The following MCTP2 variants were observed in gnomAD, a reference collection of about 807,000 sequenced individuals.
MCTP2 encodes the protein multiple C2 and transmembrane domain containing 2.
Under a neutral mutation model 111.6 loss-of-function variants are expected in MCTP2, and 132 were observed. The ratio of observed to expected loss-of-function variants is 1.18; its 90% CI spans 1.03 to 1.37. The LOEUF (loss-of-function observed/expected upper bound fraction) is 1.37. Ranked by LOEUF, MCTP2 falls within the 40% of genes most tolerant of loss-of-function variation. The pLI is 0.00. For synonymous variants in MCTP2, 395 were observed against 387.7 expected (o/e 1.02, Z -0.22); for missense variants, 1,183 against 1,067.9 (o/e 1.11, Z -1.50).
At chr15:94,472,745 G>T (rs1202729753) in intron 21 of MCTP2, among the ~76,000 whole-genome samples, 1 of 152,158 alleles carries the variant, frequency 6.6e-6, no homozygotes, top group Non-Finnish European at 1.5e-5. Flanking sequence ...CAATCACCAC[G>T]TGATCTATTG....
intron 1 of MCTP2, among the ~76,000 whole-genome samples, chr15:94,235,064 C>A (rs1225982355): frequency 6.6e-6 from 1 of 152,094 alleles, no homozygotes; most frequent in East Asian, 1.9e-4. Context: ...CCGGCCTGGC[C>A]AATATGGCGA....
At position 94,345,110 on chromosome 15, in the gene MCTP2, C is replaced by T. The variant is rs771613991; in HGVS notation, c.970-19C>T. 30 of 1,611,922 alleles carry T rather than the reference C, an allele frequency of 1.9e-5. No individual in the cohort carries two copies. The East Asian group carries it at 2.0e-4, about 11-fold the overall frequency. ...TTTTATTTTGCCATTTTCACCATTCCGCGGACACAAATCTTTAGCGTTGGT... is the reference window on the plus strand; with the variant it reads ...TTTTATTTTGCCATTTTCACCATTCTGCGGACACAAATCTTTAGCGTTGGT... On this transcript the variant is annotated intron_variant, in intron 7 of 22. Coordinates refer to ENST00000357742, the MANE Select transcript of MCTP2 (RefSeq NM_001385001.1).
chr15:94,274,317 A>G (rs908856720), intron 1 of MCTP2, among the ~76,000 whole-genome samples: 4 of 152,202 alleles, frequency 2.6e-5, no homozygotes, highest in Non-Finnish European at 5.9e-5. Flanking sequence ...AGCAAAAGGT[A>G]TGGTCTGAAA....
At chr15:94,272,556 C>T (rs114260222) in intron 1 of MCTP2, among the ~76,000 whole-genome samples, 23 of 152,228 alleles carry the variant, frequency 1.5e-4, no homozygotes, top group African/African-American at 5.5e-4. Flanking sequence ...ATTCTCCCAT[C>T]AAAACAATGC....
At chr15:94,244,819 C>CACAT (rs1332298059) in intron 1 of MCTP2, among the ~76,000 whole-genome samples, 8 of 137,928 alleles carry the variant, frequency 5.8e-5, no homozygotes, top group Non-Finnish European at 7.7e-5. Flanking sequence ...TATATGTATA[C>CACAT]ACATATGCAC....
chr15:94,265,151 A>G lies in MCTP2; in HGVS notation c.-65-33050A>G, dbSNP rs558004575. On this transcript the variant is annotated intron_variant, in intron 1 of 22. Coordinates refer to ENST00000357742, the MANE Select transcript of MCTP2 (RefSeq NM_001385001.1). ...TTACTTAACTTCCATATCCAGGCCT[A>G]CCTATGAGGCAATAACTCTGCCAAG... Among the ~76,000 whole-genome samples the G allele has an allele frequency of 5.3e-5, 8 of 152,274 alleles. No individual in the cohort carries two copies. The South Asian group carries it at 1.4e-3, about 28-fold the overall frequency.
intron 1 of MCTP2, among the ~76,000 whole-genome samples, chr15:94,233,009 A>T (rs2070297055): frequency 6.6e-6 from 1 of 152,186 alleles, no homozygotes; most frequent in Non-Finnish European, 1.5e-5. Flanking sequence ...TCAGTGGTGA[A>T]TTTAGAAATT....
chr15:94,378,926 T>A (rs1001433000), intron 12 of MCTP2, among the ~76,000 whole-genome samples: 1 of 152,190 alleles, frequency 6.6e-6, no homozygotes, highest in African/African-American at 2.4e-5. Flanking sequence ...TTGTTGAATA[T>A]ATGAACAGGT....
In MCTP2 at chr15:94,401,914, T is replaced by C; in HGVS notation, c.1980T>C (p.Asp660=). The C allele has an allele frequency of 6.2e-7, 1 of 1,612,040 alleles. No individual in the cohort carries two copies. Among genetic ancestry groups the C allele is most frequent in the Non-Finnish European group, 8.5e-7 (1 of 1,178,718 alleles). ...RKLSKKILSR[D]VDRVKRITMA... ...TTTAAAATCAGATCTTATCAAGAGA[T>C]GTGGACCGTGTGAAAAGAATCACTA... The change falls in exon 17 of 23, where the codon GAT becomes GAC. Residue 660 remains aspartate (D), a synonymous_variant. Transcript: ENST00000357742.
intron 11 of MCTP2, 122 bp from the exon 12 acceptor site, chr15:94,369,965 T>C (rs2079400138): frequency 1.8e-6 from 1 of 552,848 alleles, no homozygotes; most frequent in Admixed American, 4.0e-5. Flanking sequence ...TTGGGGATTT[T>C]TTTTTAAAGA....
At chr15:94,474,179 G>A (rs1367380532) in intron 21 of MCTP2, among the ~76,000 whole-genome samples, 1 of 152,046 alleles carries the variant, frequency 6.6e-6, no homozygotes, top group East Asian at 1.9e-4. Flanking sequence ...AAAATCTAAG[G>A]TATGTTTAGC....
Position 94,409,228 on chromosome 15 carries a change from C to G in MCTP2, c.2085+7209C>G, listed in dbSNP as rs150679284. Among the ~76,000 whole-genome samples, 320 of 152,242 alleles carry G rather than the reference C, an allele frequency of 2.1e-3. 6 individuals carry two copies. The East Asian group carries it at 0.039, about 18-fold the overall frequency. On this transcript the variant is annotated intron_variant, in intron 17 of 22. Coordinates refer to ENST00000357742, the MANE Select transcript of MCTP2 (RefSeq NM_001385001.1). ...TGAAAACAGAGACTGGCCTGGCCTC[C>G]CAGCCTACATCTTTCTCCCATGCTG...
intron 16 of MCTP2, among the ~76,000 whole-genome samples, chr15:94,401,607 A>G (rs1171510358): frequency 1.3e-5 from 2 of 152,100 alleles, no homozygotes; most frequent in African/African-American, 4.8e-5. Flanking sequence ...ATTCACCAAC[A>G]TTAAATACCT....
chr15:94,241,152 G>C (rs1270217153), intron 1 of MCTP2, among the ~76,000 whole-genome samples: 2 of 152,104 alleles, frequency 1.3e-5, no homozygotes, highest in African/African-American at 2.4e-5. Flanking sequence ...GTTTCATGTA[G>C]AGTCGGTGGC....
intron 1 of MCTP2, among the ~76,000 whole-genome samples, chr15:94,248,698 C>A (rs1214036216): frequency 2.0e-5 from 3 of 152,152 alleles, no homozygotes; most frequent in Admixed American, 2.0e-4. Flanking sequence ...ATCTTTTCAA[C>A]ACTGGATTTT....
chr15:94,433,046 T>C (rs1294325366), intron 17 of MCTP2, among the ~76,000 whole-genome samples: 1 of 152,132 alleles, frequency 6.6e-6, no homozygotes, highest in African/African-American at 2.4e-5. Context: ...TGAGGTTACA[T>C]CCTTCTCGTG....
intron 4 of MCTP2, among the ~76,000 whole-genome samples, chr15:94,320,303 C>T (rs1422701366): frequency 2.0e-5 from 3 of 152,022 alleles, no homozygotes; most frequent in Non-Finnish European, 4.4e-5. Flanking sequence ...CCACCACGCC[C>T]AGCTAATTTT....
chr15:94,318,992 T>C (rs1013068306), intron 4 of MCTP2, among the ~76,000 whole-genome samples: 2 of 152,140 alleles, frequency 1.3e-5, no homozygotes, highest in Non-Finnish European at 2.9e-5. Flanking sequence ...TAAACTGTGC[T>C]GTTTCAGTCC....
At chr15:94,247,624 G>A (rs374203250) in intron 1 of MCTP2, among the ~76,000 whole-genome samples, 9 of 152,030 alleles carry the variant, frequency 5.9e-5, no homozygotes, top group Non-Finnish European at 7.4e-5. Context: ...TAAAACGGGC[G>A]CATCCTCACC....
Sources: allele counts gnomAD v4.1 joint callset (sites outside exome capture counted in the v4.1 genomes callset), GRCh38; gene constraint gnomAD v4.1.1; transcripts MANE v1.5; gene names NCBI Gene and HGNC (gene_info 2026-07-23, HGNC 2026-07-21).